The following ALPK1 variants were observed in gnomAD, a reference collection of about 807,000 sequenced individuals.
ALPK1 encodes the protein alpha kinase 1.
ALPK1 carries 110 observed loss-of-function variants against 120.6 expected under a neutral mutation model. The ratio of observed to expected loss-of-function variants is 0.91; its 90% CI spans 0.78 to 1.07. ALPK1 has a LOEUF of 1.07. Among genes scored for constraint, ALPK1 ranks in the 50% least tolerant of loss-of-function variants. The pLI is 0.00. For synonymous variants in ALPK1, 582 were observed against 560.3 expected, an observed-to-expected ratio of 1.04 and a Z score of -0.55; for missense variants, 1,498 against 1,483.9, an observed-to-expected ratio of 1.01 and a Z score of -0.16.
Position 112,431,576 on chromosome 4 carries a change from C to G in ALPK1, c.2029C>G (p.His677Asp), listed in dbSNP as rs770931011. 9.3e-6 allele frequency: 15 copies of G among 1,614,088 alleles called. No homozygotes were observed. The highest frequency in any genetic ancestry group is 1.7e-6 in the Non-Finnish European group (2 of 1,180,052). The change falls in exon 11 of 16, where the codon CAT becomes GAT. Residue 677 changes from histidine to aspartate, a missense_variant. Transcript: ENST00000650871. ...GATGCCCTTGACACCCTTCTCGCCT[C>G]ATAATACCCCAGGCATTTTCTTGGC... ...QQMPLTPFSP[H>D]NTPGIFLAPG...
chr4:112,309,802 C>T (rs939998118), intron 1 of ALPK1, among the ~76,000 whole-genome samples: 1 of 152,042 alleles, frequency 6.6e-6, no homozygotes, highest in African/African-American at 2.4e-5. Context: ...CCATTTCCTT[C>T]GTTTGTGGCC....
intron 4 of ALPK1, among the ~76,000 whole-genome samples, chr4:112,392,906 A>G (rs1391143864): frequency 2.6e-5 from 4 of 152,228 alleles, no homozygotes; most frequent in Admixed American, 2.6e-4. Flanking sequence ...CAGGAAGGTC[A>G]TGCTGCAGAC....
At chr4:112,423,681 T>C in intron 5 of ALPK1, 1 of 586,294 alleles carries the variant, frequency 1.7e-6, no homozygotes, top group South Asian at 1.5e-5. Flanking sequence ...CCCTGCTCTA[T>C]GTGAATGAAT....
chr4:112,431,688 G>A lies in ALPK1; in HGVS notation c.2141G>A (p.Arg714Lys). The change falls in exon 11 of 16, where the codon AGA becomes AAA. Residue 714 changes from arginine to lysine, a missense_variant. Physicochemically the swap from Arg to Lys is conservative, Grantham distance 26. Coordinates refer to ENST00000650871, the MANE Select transcript of ALPK1 (RefSeq NM_025144.4). ...CCCAGAAATACTTCTGCTCACTCCAGACCCTCATATCGTTCTGCTTCTTGG... is the reference window on the plus strand; with the variant it reads ...CCCAGAAATACTTCTGCTCACTCCAAACCCTCATATCGTTCTGCTTCTTGG... ...MGPRNTSAHS[R>K]PSYRSASWSS... The A allele has an allele frequency of 6.2e-7, 1 of 1,614,200 alleles. No individual in the cohort carries two copies. Among genetic ancestry groups the A allele is most frequent in the Non-Finnish European group, 8.5e-7 (1 of 1,180,040 alleles).
rs549599010 is a variant in ALPK1 at position 112,332,226 on chromosome 4, A to C, written c.-101+16374A>C. Among the ~76,000 whole-genome samples the C allele has an allele frequency of 5.9e-5, 9 of 152,312 alleles. No homozygotes were observed. In the East Asian group the frequency reaches 1.7e-3, roughly 29 times the overall value. ...TTAAATATAAAGCCTATGGTTTATCAATAAGGAGGAAGGAAGAATACCAGT... is the reference window on the plus strand; with the variant it reads ...TTAAATATAAAGCCTATGGTTTATCCATAAGGAGGAAGGAAGAATACCAGT... On this transcript the variant is annotated intron_variant, in intron 2 of 15. Transcript: ENST00000650871.
intron 1 of ALPK1, among the ~76,000 whole-genome samples, chr4:112,314,227 C>T (rs1167076254): frequency 1.3e-5 from 2 of 152,136 alleles, no homozygotes; most frequent in South Asian, 2.1e-4. Flanking sequence ...TGGAAGTCCT[C>T]GTCTGATGAG....
chr4:112,313,426 G>A (rs1388809218), intron 1 of ALPK1, among the ~76,000 whole-genome samples: 1 of 152,102 alleles, frequency 6.6e-6, no homozygotes, highest in Non-Finnish European at 1.5e-5. Context: ...TAAGGAGTAA[G>A]AATTGACTGC....
intron 1 of ALPK1, among the ~76,000 whole-genome samples, chr4:112,304,793 C>G (rs1727955096): frequency 6.6e-6 from 1 of 152,030 alleles, no homozygotes; most frequent in African/African-American, 2.4e-5. Flanking sequence ...TATTCCATTG[C>G]TTTTGGTGTT....
chr4:112,435,361 A>G, intron 12 of ALPK1, 60 bp downstream of exon 12: 1 of 1,520,870 alleles, frequency 6.6e-7, no homozygotes, highest in Non-Finnish European at 8.9e-7. Flanking sequence ...CTCTTCTGTT[A>G]AGTAATCACT....
intron 2 of ALPK1, among the ~76,000 whole-genome samples, chr4:112,322,132 G>T (rs530217128): frequency 6.6e-6 from 1 of 152,288 alleles, no homozygotes; most frequent in East Asian, 1.9e-4. Flanking sequence ...TGGGCCAGAA[G>T]CTTTGACATA....
intron 4 of ALPK1, among the ~76,000 whole-genome samples, chr4:112,399,743 C>T (rs1047642724): frequency 6.6e-6 from 1 of 152,148 alleles, no homozygotes; most frequent in African/African-American, 2.4e-5. Context: ...TGCTCTCCCT[C>T]CTCTTGTCCT....
At chr4:112,397,152 G>A (rs547612493) in intron 4 of ALPK1, among the ~76,000 whole-genome samples, 6 of 152,312 alleles carry the variant, frequency 3.9e-5, no homozygotes, top group African/African-American at 1.4e-4. Flanking sequence ...AAATCACGTA[G>A]TGCCTCAGCA....
intron 4 of ALPK1, among the ~76,000 whole-genome samples, chr4:112,387,849 G>A (rs1732221563): frequency 6.6e-6 from 1 of 152,100 alleles, no homozygotes; most frequent in South Asian, 2.1e-4. Context: ...GTGTCACAGG[G>A]GTTTGTTGTA....
intron 5 of ALPK1, among the ~76,000 whole-genome samples, chr4:112,418,624 C>T (rs1247833928): frequency 6.6e-6 from 1 of 152,144 alleles, no homozygotes; most frequent in Non-Finnish European, 1.5e-5. Context: ...CCACACCCCA[C>T]GATGACAAGG....
chr4:112,425,372 G>T, intron 6 of ALPK1: 1 of 201,012 alleles, frequency 5.0e-6, no homozygotes, highest in Non-Finnish European at 1.0e-5. Flanking sequence ...AGAATCCCAA[G>T]CAGGGCTAGT....
intron 3 of ALPK1, among the ~76,000 whole-genome samples, chr4:112,379,427 G>A (rs1005817966): frequency 1.3e-5 from 2 of 152,222 alleles, no homozygotes; most frequent in African/African-American, 4.8e-5. Flanking sequence ...AAACCGACGG[G>A]GAAGGACGCC....
At chr4:112,299,377 T>C (rs1727688990) in intron 1 of ALPK1, among the ~76,000 whole-genome samples, 3 of 152,288 alleles carry the variant, frequency 2.0e-5, no homozygotes, top group Middle Eastern at 3.4e-3. Flanking sequence ...TTCAAAATTT[T>C]GAGTTATTTG....
At chr4:112,400,505 G>T (rs999514464) in intron 4 of ALPK1, among the ~76,000 whole-genome samples, 1 of 152,130 alleles carries the variant, frequency 6.6e-6, no homozygotes, top group Non-Finnish European at 1.5e-5. Context: ...CCCAATTGCC[G>T]GGCAGTAATG....
chr4:112,359,881 T>G lies in ALPK1; in HGVS notation c.-100-17797T>G, dbSNP rs1461178568. 1.4e-5 allele frequency: 4 copies of G among 281,322 alleles called. No individual in the cohort carries two copies. In the Admixed American group the frequency reaches 2.0e-4, roughly 14 times the overall value. 17.4% of individuals were successfully genotyped at this position (281,322 alleles called of 1,614,324 possible). A position where few individuals can be genotyped will look rare whatever the true frequency, so the allele number is the denominator to read the frequency against. ...TGATCACCTGCCTGTCCAGCTCTGGTGGGCCAAGAACTCACCCAACAGAAT... is the reference window on the plus strand; with the variant it reads ...TGATCACCTGCCTGTCCAGCTCTGGGGGGCCAAGAACTCACCCAACAGAAT... On this transcript the variant is annotated intron_variant, in intron 2 of 15. Transcript: ENST00000650871.
Sources: gnomAD v4.1 joint callset for allele counts (sites outside exome capture counted in the v4.1 genomes callset) on GRCh38, gnomAD v4.1.1 for gene constraint, MANE v1.5 for transcripts, NCBI Gene and HGNC (gene_info 2026-07-23, HGNC 2026-07-21) for gene names.